The following FABP3 variants were observed in gnomAD, a reference collection of about 807,000 sequenced individuals.
The protein encoded by FABP3 is fatty acid binding protein 3.
FABP3 carries 8 observed loss-of-function variants against 13.4 expected under a neutral mutation model. The observed-to-expected ratio is 0.60, with a 90% CI of 0.35 to 1.07. The LOEUF (loss-of-function observed/expected upper bound fraction) is 1.07. Among genes scored for constraint, FABP3 ranks in the 50% least tolerant of loss-of-function variants. The pLI, the probability that FABP3 is intolerant of heterozygous loss-of-function variation, is 0.02. For synonymous variants in FABP3, 64 were observed against 60.0 expected, an observed-to-expected ratio of 1.07 and a Z score of -0.31; for missense variants, 135 against 164.7, an observed-to-expected ratio of 0.82 and a Z score of 0.99.
At chr1:31,370,919 T>C (rs1392284800) in intron 1 of FABP3, among the ~76,000 whole-genome samples, 1 of 152,252 alleles carries the variant, frequency 6.6e-6, no homozygotes, top group Admixed American at 6.5e-5. Context: ...CTACATGGGT[T>C]GTTTTACTTA....
At chr1:31,364,120 A>G (rs756845373), downstream of FABP3, 2 of 1,613,962 alleles carry the variant, frequency 1.2e-6, no homozygotes, top group East Asian at 4.5e-5. Flanking sequence ...AGGGCAAGGC[A>G]CACATCAAAA....
In FABP3 at chr1:31,369,460, G is replaced by A. The variant is rs1640166635; in HGVS notation, c.171C>T (p.Thr57=). The A allele has an allele frequency of 6.2e-7, 1 of 1,614,038 alleles. No homozygotes were observed. The highest frequency in any genetic ancestry group is 1.3e-5 in the African/African-American group (1 of 74,898). ...GDILTLKTHS[T]FKNTEISFKL... ...TAAAGCTGATCTCTGTGTTCTTGAAGGTGCTGTGTGTTTTTAGGGTGAGAA... is the reference window on the plus strand; with the variant it reads ...TAAAGCTGATCTCTGTGTTCTTGAAAGTGCTGTGTGTTTTTAGGGTGAGAA... The change falls in exon 2 of 4, where the codon ACC becomes ACT. Residue 57 remains threonine, a synonymous_variant. Coordinates refer to ENST00000373713, the MANE Select transcript of FABP3 (RefSeq NM_004102.5).
At position 31,372,824 on chromosome 1, in the gene FABP3, C is replaced by T. The variant is rs547899278; in HGVS notation, c.73+118G>A. 40 of 997,432 alleles carry T rather than the reference C, an allele frequency of 4.0e-5. No homozygotes were observed. The African/African-American group carries it at 4.9e-4, about 12-fold the overall frequency. The allele number at this position is 997,432 out of a possible 1,614,324, so 61.8% of individuals were successfully genotyped here. A position where few individuals can be genotyped will look rare whatever the true frequency, so the allele number is the denominator to read the frequency against. On this transcript the variant is annotated intron_variant, in intron 1 of 3. Transcript: ENST00000373713. ...CCTGCTCTAGGCCAGGCTGCCATCT[C>T]CGCGCTCCCCTATTCCCCAGTCTTA...
intron 1 of FABP3, among the ~76,000 whole-genome samples, chr1:31,370,803 A>G (rs746870400): frequency 9.2e-5 from 14 of 152,172 alleles, no homozygotes; most frequent in Non-Finnish European, 1.9e-4. Flanking sequence ...TTCCAAGGCA[A>G]AGGTGAGGCA....
At chr1:31,364,872 G>C (rs922275160), downstream of FABP3, 1 of 152,248 alleles carries the variant, frequency 6.6e-6, no homozygotes, top group Non-Finnish European at 1.5e-5. Context: ...GTGTGAATCA[G>C]TTGATTCTAC....
intron 2 of FABP3, 64 bp downstream of exon 2, chr1:31,369,321 A>G: frequency 6.5e-7 from 1 of 1,549,596 alleles, no homozygotes; most frequent in Non-Finnish European, 8.8e-7. Context: ...AGCCAAGACT[A>G]CCAGCCTATT....
chr1:31,366,815 T>C (rs1407674904), intron 3 of FABP3, among the ~76,000 whole-genome samples: 2 of 152,086 alleles, frequency 1.3e-5, no homozygotes, highest in Non-Finnish European at 2.9e-5. Context: ...GGGGTAGGAC[T>C]AGAATGGGGA....
rs114532347 is a variant in FABP3 at position 31,367,348 on chromosome 1, G to A, written c.348+45C>T. On this transcript the variant is annotated intron_variant, in intron 3 of 3. Coordinates refer to ENST00000373713, the MANE Select transcript of FABP3 (RefSeq NM_004102.5). ...TAGAACAGGCTTGGCTGAAAGAGCA[G>A]TAGTAATAACCAATCAGATATAGCT... 2.1e-3 allele frequency: 3,050 copies of A among 1,474,822 alleles called. 41 individuals carry two copies. In the African/African-American group the frequency reaches 0.028, roughly 14 times the overall value. 91.4% of individuals were successfully genotyped at this position (1,474,822 alleles called of 1,614,324 possible). A position where few individuals can be genotyped will look rare whatever the true frequency, so the allele number is the denominator to read the frequency against.
downstream of FABP3, among the ~76,000 whole-genome samples, chr1:31,363,647 T>A (rs1640015435): frequency 6.6e-6 from 1 of 152,128 alleles, no homozygotes; most frequent in Non-Finnish European, 1.5e-5. Context: ...CAGGGTGTGG[T>A]GGTGCATACC....
intron 3 of FABP3, 101 bp from the exon 4 acceptor site, chr1:31,366,040 T>C: frequency 1.0e-6 from 1 of 966,738 alleles, no homozygotes; most frequent in South Asian, 1.4e-5. Flanking sequence ...GAGTACCTAC[T>C]ATGTGCCGGC....
At chr1:31,370,104 A>AC (rs1202546317) in intron 1 of FABP3, among the ~76,000 whole-genome samples, 1 of 228 alleles carries the variant, frequency 4.4e-3, no homozygotes, top group African/African-American at 0.02. Context: ...ATTCCACCTC[A>AC]AAAAAAAAAA....
downstream of FABP3, chr1:31,364,034 G>C (rs751565998): frequency 6.2e-7 from 1 of 1,606,556 alleles, no homozygotes; most frequent in Admixed American, 1.7e-5. Flanking sequence ...CTTTTCAGGA[G>C]AAGAAGAAAA....
downstream of FABP3, among the ~76,000 whole-genome samples, chr1:31,361,195 T>C (rs769216823): frequency 6.6e-5 from 10 of 152,216 alleles, no homozygotes; most frequent in Non-Finnish European, 1.0e-4. Context: ...AGCTCGGTAA[T>C]GTGGGTCTGA....
intron 1 of FABP3, among the ~76,000 whole-genome samples, chr1:31,370,856 A>AAAT (rs1210298039): frequency 6.6e-6 from 1 of 152,204 alleles, no homozygotes; most frequent in African/African-American, 2.4e-5. Flanking sequence ...TAAAGTCTCC[A>AAAT]AATGTACCTG....
chr1:31,363,254 G>T (rs2148489889), downstream of FABP3, among the ~76,000 whole-genome samples: 1 of 148,850 alleles, frequency 6.7e-6, no homozygotes, highest in East Asian at 2.0e-4. Context: ...CACAATCTTA[G>T]CTCACTGCAA....
At chr1:31,359,792 C>A in the FABP3 span, among the ~76,000 whole-genome samples, 1 of 152,102 alleles carries the variant, frequency 6.6e-6, no homozygotes, top group Non-Finnish European at 1.5e-5. Flanking sequence ...CACTCCTATG[C>A]CATTTAAAAA....
chr1:31,372,986 T>A lies in FABP3; in HGVS notation c.29A>T (p.Lys10Met). MVDAFLGTWKLVDSKNFDDY... is the reference protein window; with the variant it reads MVDAFLGTWMLVDSKNFDDY... ...ATCGAAATTCTTGCTGTCCACTAGC[T>A]TCCAGGTGCCCAGGAAAGCGTCCAC... The change falls in exon 1 of 4, where the codon AAG (lysine) becomes ATG (methionine). Residue 10 changes from lysine to methionine, a missense_variant. By Grantham distance (95) the Lys-to-Met change is moderately conservative (BLOSUM62 -1). Coordinates refer to ENST00000373713, the MANE Select transcript of FABP3 (RefSeq NM_004102.5). 1.2e-6 allele frequency: 2 copies of A among 1,614,038 alleles called. No individual in the cohort carries two copies. The highest frequency in any genetic ancestry group is 1.7e-6 in the Non-Finnish European group (2 of 1,180,030).
chr1:31,366,556 T>C (rs1024713750), intron 3 of FABP3, among the ~76,000 whole-genome samples: 9 of 152,218 alleles, frequency 5.9e-5, no homozygotes, highest in African/African-American at 2.2e-4. Context: ...AGTACAAGAA[T>C]GCAGTTAACA....
chr1:31,365,894 C>CT lies in FABP3; in HGVS notation c.393dup (p.Glu132ArgfsTer5), dbSNP rs761233222. ...GCAACAGTGCAGTCAGGTCATGCCT[C>CT]TTTCTCATAAGTGCGAGTGCAAACT... On this transcript the variant is annotated frameshift_variant, in exon 4 of 4. Coordinates refer to ENST00000373713, the MANE Select transcript of FABP3 (RefSeq NM_004102.5). LOFTEE classifies it high-confidence loss of function. 37 of 1,613,944 alleles carry CT rather than the reference C, an allele frequency of 2.3e-5. No homozygotes were observed. Among genetic ancestry groups the CT allele is most frequent in the Non-Finnish European group, 2.9e-5 (34 of 1,179,982 alleles).
Sources: allele counts gnomAD v4.1 joint callset (sites outside exome capture counted in the v4.1 genomes callset), GRCh38; gene constraint gnomAD v4.1.1; transcripts MANE v1.5; gene names NCBI Gene and HGNC (gene_info 2026-07-23, HGNC 2026-07-21).